Variants in RNF169 observed in about 807,000 individuals in gnomAD.
RNF169 encodes ring finger protein 169, also known as E3 ubiquitin-protein ligase RNF169.
Under a neutral mutation model 53.9 loss-of-function variants are expected in RNF169, and 24 were observed. That is an observed-to-expected ratio of 0.45 (90% CI 0.32 to 0.63). The LOEUF (loss-of-function observed/expected upper bound fraction) is 0.63, where lower values mean the gene tolerates loss of function less well. RNF169 is among the 20% of genes least tolerant of loss of function. The probability of loss-of-function intolerance (pLI) is 0.04; values close to 1 mark genes in which losing one functional copy is unlikely to be tolerated. For synonymous variants in RNF169, 396 were observed against 363.5 expected (o/e 1.09, Z -1.02); for missense variants, 883 against 906.2 (o/e 0.97, Z 0.33).
At position 74,798,140 on chromosome 11, in the gene RNF169, TG is replaced by T. The variant is rs1237634450; in HGVS notation, c.576+8444del. 2.6e-5 allele frequency among the ~76,000 whole-genome samples: 4 copies of T among 152,294 alleles called. No individual in the cohort carries two copies. The South Asian group carries it at 8.3e-4, about 32-fold the overall frequency. On this transcript the variant is annotated intron_variant, in intron 2 of 5. Transcript: ENST00000299563. ...ATGTGTGTTTAAACAATATGAAATCTGGGCACCCTAAAAAAAGAACAAGATA... is the reference window on the plus strand; with the variant it reads ...ATGTGTGTTTAAACAATATGAAATCTGGCACCCTAAAAAAAGAACAAGATA...
chr11:74,813,611 T>C (rs945622640), intron 3 of RNF169, among the ~76,000 whole-genome samples: 13 of 152,216 alleles, frequency 8.5e-5, no homozygotes, highest in African/African-American at 2.7e-4. Context: ...ATAGAACATA[T>C]AGATACATTC....
chr11:74,807,749 AT>A (rs2035824928), intron 2 of RNF169: 1 of 152,134 alleles, frequency 6.6e-6, no homozygotes, highest in Non-Finnish European at 1.5e-5. Flanking sequence ...AGCAATTGAT[AT>A]TTTTTATTCA....
chr11:74,793,361 CATT>C (rs1450114243), intron 2 of RNF169, among the ~76,000 whole-genome samples: 7 of 152,152 alleles, frequency 4.6e-5, no homozygotes, highest in East Asian at 1.9e-4. Context: ...CTACACAACT[CATT>C]ATTACTAATT....
chr11:74,776,315 A>G (rs1421792265), intron 1 of RNF169, among the ~76,000 whole-genome samples: 1 of 152,112 alleles, frequency 6.6e-6, no homozygotes, highest in Non-Finnish European at 1.5e-5. Flanking sequence ...TTAGTTCTAT[A>G]AAACTATTAT....
chr11:74,818,302 A>C (rs1369586686), intron 4 of RNF169, among the ~76,000 whole-genome samples: 1 of 152,180 alleles, frequency 6.6e-6, no homozygotes, highest in Non-Finnish European at 1.5e-5. Context: ...GAAATGGAGG[A>C]AAGAAGGAGG....
At chr11:74,785,655 G>A (rs2035489757) in intron 1 of RNF169, among the ~76,000 whole-genome samples, 1 of 151,470 alleles carries the variant, frequency 6.6e-6, no homozygotes, top group Non-Finnish European at 1.5e-5. Flanking sequence ...GTCCTGTTGG[G>A]GCAAAAAATG....
rs1053780076 is a variant in RNF169 at position 74,749,222 on chromosome 11, C to T, written c.342C>T (p.Ala114=). 3.7e-6 allele frequency: 4 copies of T among 1,081,000 alleles called. No individual in the cohort carries two copies. In the East Asian group the frequency reaches 2.0e-4, roughly 54 times the overall value. 67.0% of individuals were successfully genotyped at this position (1,081,000 alleles called of 1,614,324 possible). Residue 114 remains alanine (A), a synonymous_variant, in exon 1 of 6, where the codon GCC becomes GCT. Transcript: ENST00000299563. ...PRCRARGPGW[A]RRRARDDGQA... is the part of the protein sequence containing the mutation. ...GCCGCGCCCGCGGCCCAGGCTGGGC[C>T]CGCCGTCGGGCCCGCGACGACGGCC...
intron 1 of RNF169, among the ~76,000 whole-genome samples, chr11:74,768,853 T>C (rs1466297373): frequency 6.6e-6 from 1 of 151,930 alleles, no homozygotes; most frequent in Admixed American, 6.6e-5. Flanking sequence ...AACACCAGCC[T>C]GGGCAACATA....
At chr11:74,777,734 A>G (rs1049593822) in intron 1 of RNF169, among the ~76,000 whole-genome samples, 1 of 151,208 alleles carries the variant, frequency 6.6e-6, no homozygotes, top group African/African-American at 2.4e-5. Context: ...TGCAGCCTTG[A>G]CCTTCCGCCT....
intron 3 of RNF169, among the ~76,000 whole-genome samples, chr11:74,811,718 A>T (rs2035878720): frequency 6.6e-6 from 1 of 152,192 alleles, no homozygotes; most frequent in Non-Finnish European, 1.5e-5. Flanking sequence ...ACCTTCCAAA[A>T]GATTCAGTTT....
intron 1 of RNF169, among the ~76,000 whole-genome samples, chr11:74,780,266 T>A (rs998159304): frequency 6.6e-6 from 1 of 152,228 alleles, no homozygotes; most frequent in Non-Finnish European, 1.5e-5. Context: ...TCTCAAAGAA[T>A]GCTCTCTACT....
intron 1 of RNF169, among the ~76,000 whole-genome samples, chr11:74,757,457 T>TA (rs1462436929): frequency 2.8e-5 from 4 of 144,650 alleles, no homozygotes; most frequent in African/African-American, 1.0e-4. Flanking sequence ...GCAGTAAACA[T>TA]ACGTGTGCAT....
intron 1 of RNF169, among the ~76,000 whole-genome samples, chr11:74,771,249 G>A (rs1272519134): frequency 1.3e-5 from 2 of 152,086 alleles, no homozygotes; most frequent in Non-Finnish European, 2.9e-5. Context: ...TTGCTTTTGA[G>A]TCTTTGGCTC....
At chr11:74,754,549 G>A (rs752534214) in intron 1 of RNF169, among the ~76,000 whole-genome samples, 3 of 152,138 alleles carry the variant, frequency 2.0e-5, no homozygotes, top group Admixed American at 6.5e-5. Flanking sequence ...GGCCAGGCGC[G>A]GTGGCTCACA....
At chr11:74,819,676 T>C (rs190139798) in intron 4 of RNF169, among the ~76,000 whole-genome samples, 2 of 152,308 alleles carry the variant, frequency 1.3e-5, no homozygotes, top group East Asian at 3.9e-4. Context: ...GGAGCTTAGA[T>C]TGGCTGATGG....
intron 4 of RNF169, among the ~76,000 whole-genome samples, chr11:74,827,873 A>G (rs531567773): frequency 6.6e-6 from 1 of 152,312 alleles, no homozygotes; most frequent in African/African-American, 2.4e-5. Flanking sequence ...CACAGCCAAT[A>G]CCATTCTGAA....
chr11:74,813,727 C>T (rs1170505680), intron 3 of RNF169, among the ~76,000 whole-genome samples: 2 of 152,120 alleles, frequency 1.3e-5, no homozygotes, highest in Admixed American at 6.5e-5. Flanking sequence ...CTCGCTCTGT[C>T]GCCAGGCTGG....
At chr11:74,768,702 G>A (rs865843596) in intron 1 of RNF169, among the ~76,000 whole-genome samples, 1 of 151,834 alleles carries the variant, frequency 6.6e-6, no homozygotes, top group African/African-American at 2.4e-5. Context: ...GTAGAGAAAG[G>A]CTTTCAAACA....
chr11:74,833,551 AC>A, intron 4 of RNF169, among the ~76,000 whole-genome samples: 1 of 151,868 alleles, frequency 6.6e-6, no homozygotes, highest in East Asian at 1.9e-4. Context: ...TCCTATGCAT[AC>A]TTTTTTTTGT....
Sources: allele counts gnomAD v4.1 joint callset (sites outside exome capture counted in the v4.1 genomes callset), GRCh38; gene constraint gnomAD v4.1.1; transcripts MANE v1.5; gene names NCBI Gene and HGNC (gene_info 2026-07-23, HGNC 2026-07-21).